The following TAFA4 variants were observed in gnomAD, a reference collection of about 807,000 sequenced individuals.
The protein encoded by TAFA4 is TAFA chemokine like family member 4.
In TAFA4, 20 loss-of-function variants were observed where a neutral mutation model predicts 21.1. The ratio of observed to expected loss-of-function variants is 0.95; its 90% CI spans 0.67 to 1.38. The LOEUF is 1.38. Ranked by LOEUF, TAFA4 falls within the 40% of genes most tolerant of loss-of-function variation. TAFA4 has a pLI of 0.00. For synonymous variants in TAFA4, 71 were observed against 67.4 expected (o/e 1.05, Z -0.26); for missense variants, 211 against 180.9 (o/e 1.17, Z -0.95).
At position 68,769,043 on chromosome 3, in the gene TAFA4, G is replaced by A. The variant is rs138285289; in HGVS notation, c.131-16025C>T. On this transcript the variant is annotated intron_variant, in intron 3 of 5. Transcript: ENST00000295569. ...ATTGCAGGGGTCCCCAACCTCCTCC[G>A]AGCCATAAACAGGTACCAGTTTGTG... is the stretch of plus-strand genomic sequence containing the variant. 4.4e-3 allele frequency among the ~76,000 whole-genome samples: 666 copies of A among 152,218 alleles called. 7 individuals carry two copies. The highest frequency in any genetic ancestry group is 0.011 in the African/African-American group (465 of 41,554).
At chr3:68,788,264 C>G (rs1450158401) in intron 3 of TAFA4, among the ~76,000 whole-genome samples, 1 of 152,176 alleles carries the variant, frequency 6.6e-6, no homozygotes, top group South Asian at 2.1e-4. Context: ...CACACTACTG[C>G]TGCTCCTCAA....
chr3:68,819,184 C>A (rs549594469), intron 3 of TAFA4, among the ~76,000 whole-genome samples: 1 of 150,130 alleles, frequency 6.7e-6, no homozygotes, highest in Non-Finnish European at 1.5e-5. Flanking sequence ...GGTGGGAGAA[C>A]CACTTGAGCC....
At chr3:68,768,419 G>C (rs1273419266) in intron 3 of TAFA4, among the ~76,000 whole-genome samples, 1 of 152,152 alleles carries the variant, frequency 6.6e-6, no homozygotes, top group South Asian at 2.1e-4. Context: ...ACTCCAGTTA[G>C]AATGCCTATT....
chr3:68,793,167 G>A (rs1449631057), intron 3 of TAFA4, among the ~76,000 whole-genome samples: 2 of 152,160 alleles, frequency 1.3e-5, no homozygotes, highest in East Asian at 3.8e-4. Context: ...AATGTACCCT[G>A]GGAGATGGAT....
At chr3:68,854,257 G>A (rs1007385) in intron 3 of TAFA4, among the ~76,000 whole-genome samples, 66,636 of 151,620 alleles carry the variant, frequency 0.44, 15,040 homozygotes, top group African/African-American at 0.48. Context: ...TCTGACAGCA[G>A]GAAGGCTCGT....
chr3:68,866,528 C>A (rs980130423), intron 3 of TAFA4, among the ~76,000 whole-genome samples: 3 of 151,562 alleles, frequency 2.0e-5, no homozygotes, highest in African/African-American at 7.3e-5. Context: ...CATATATTCA[C>A]GAGAAATAAC....
At chr3:68,829,614 A>T (rs372061000) in intron 3 of TAFA4, among the ~76,000 whole-genome samples, 21 of 152,304 alleles carry the variant, frequency 1.4e-4, no homozygotes, top group African/African-American at 4.6e-4. Flanking sequence ...GGATTTTCGC[A>T]TCGATGTTCA....
At chr3:68,928,811 G>A (rs1379635691) in intron 1 of TAFA4, among the ~76,000 whole-genome samples, 1 of 152,084 alleles carries the variant, frequency 6.6e-6, no homozygotes, top group Admixed American at 6.5e-5. Context: ...AGTGCACTGG[G>A]CTAGGAATTA....
chr3:68,781,625 C>T (rs2106797395), intron 3 of TAFA4, among the ~76,000 whole-genome samples: 1 of 152,144 alleles, frequency 6.6e-6, no homozygotes, highest in Non-Finnish European at 1.5e-5. Context: ...TACTTTAAAA[C>T]CTTCCCACAA....
intron 5 of TAFA4, among the ~76,000 whole-genome samples, chr3:68,738,076 A>ATGTAAAATGTAACCATAATAAATGC (rs1702276115): frequency 6.6e-6 from 1 of 152,218 alleles, no homozygotes; most frequent in Non-Finnish European, 1.5e-5. Context: ...ATAGCAATCT[A>ATGTAAAATGTAACCATAATAAATGC]TGTAAAATGT....
At chr3:68,750,198 G>A (rs374607621) in intron 4 of TAFA4, among the ~76,000 whole-genome samples, 15 of 152,304 alleles carry the variant, frequency 9.8e-5, no homozygotes, top group African/African-American at 3.1e-4. Flanking sequence ...TTGGGAGGCA[G>A]AGGTAGGAGG....
At chr3:68,910,455 G>C (rs534593551) in intron 1 of TAFA4, among the ~76,000 whole-genome samples, 1 of 152,294 alleles carries the variant, frequency 6.6e-6, no homozygotes, top group East Asian at 1.9e-4. Flanking sequence ...CTCCTCAATG[G>C]CATTGAAACC....
In TAFA4 at chr3:68,739,017, G is replaced by A. The variant is rs972158237; in HGVS notation, c.411+58C>T. 6.9e-6 allele frequency: 11 copies of A among 1,597,286 alleles called. No homozygotes were observed. In the African/African-American group the frequency reaches 1.3e-4, roughly 20 times the overall value. ...TCTTGATGGCAGAATAAAATCAAGGGGAGAAAGCCCCACAGTTGATAACTT... is the reference window on the plus strand; with the variant it reads ...TCTTGATGGCAGAATAAAATCAAGGAGAGAAAGCCCCACAGTTGATAACTT... On this transcript the variant is annotated intron_variant, in intron 5 of 5. Coordinates refer to ENST00000295569, the MANE Select transcript of TAFA4 (RefSeq NM_182522.5).
intron 3 of TAFA4, among the ~76,000 whole-genome samples, chr3:68,861,491 T>C (rs1429176829): frequency 6.6e-6 from 1 of 151,998 alleles, no homozygotes; most frequent in African/African-American, 2.4e-5. Context: ...CCCTAACCTT[T>C]AGAAACTCTT....
chr3:68,821,958 C>G (rs961076609), intron 3 of TAFA4, among the ~76,000 whole-genome samples: 1 of 152,050 alleles, frequency 6.6e-6, no homozygotes, highest in African/African-American at 2.4e-5. Flanking sequence ...CAATGGAAAC[C>G]GCCTGTAGAA....
rs139161971 is a variant in TAFA4, at chr3:68,821,017, G to A, written c.130+59713C>T. Among the ~76,000 whole-genome samples, 453 of 152,232 alleles carry A rather than the reference G, an allele frequency of 3.0e-3. 2 individuals carry two copies. Among genetic ancestry groups the A allele is most frequent in the African/African-American group, 0.01 (429 of 41,544 alleles). ...AATGATGTAGTGTACAAATACCCACGGACTTAGTAGTATGGAAATGCATTC... is the reference window on the plus strand; with the variant it reads ...AATGATGTAGTGTACAAATACCCACAGACTTAGTAGTATGGAAATGCATTC... On this transcript the variant is annotated intron_variant, in intron 3 of 5. Coordinates refer to ENST00000295569, the MANE Select transcript of TAFA4 (RefSeq NM_182522.5).
intron 3 of TAFA4, among the ~76,000 whole-genome samples, chr3:68,808,399 TC>T (rs1485651377): frequency 6.6e-6 from 1 of 152,204 alleles, no homozygotes; most frequent in African/African-American, 2.4e-5. Context: ...AGTACTAATG[TC>T]TTCATCTTAT....
chr3:68,826,511 T>C (rs1704242355), intron 3 of TAFA4, among the ~76,000 whole-genome samples: 1 of 149,328 alleles, frequency 6.7e-6, no homozygotes, highest in Non-Finnish European at 1.5e-5. Flanking sequence ...AGGCAGAGCT[T>C]GCAGTGAGCC....
intron 3 of TAFA4, among the ~76,000 whole-genome samples, chr3:68,828,778 C>T (rs1176188461): frequency 1.3e-5 from 2 of 152,142 alleles, no homozygotes; most frequent in East Asian, 3.8e-4. Flanking sequence ...AGATTTTGGG[C>T]TGAGACGATG....
Sources: gnomAD v4.1 joint callset for allele counts (sites outside exome capture counted in the v4.1 genomes callset) on GRCh38, gnomAD v4.1.1 for gene constraint, MANE v1.5 for transcripts, NCBI Gene and HGNC (gene_info 2026-07-23, HGNC 2026-07-21) for gene names.